ABLIM2: variants seen among roughly 807,000 people sequenced by gnomAD.
ABLIM2 encodes the protein actin binding LIM protein family member 2.
ABLIM2 carries 53 observed loss-of-function variants against 97.7 expected under a neutral mutation model. The observed-to-expected ratio is 0.54, with a 90% CI of 0.44 to 0.68. The LOEUF is 0.68. Ranked by LOEUF, ABLIM2 falls within the 30% of genes least tolerant of loss-of-function variation. ABLIM2 has a pLI of 0.00. For synonymous variants in ABLIM2, 361 were observed against 345.8 expected (o/e 1.04, Z -0.49); for missense variants, 835 against 867.2 (o/e 0.96, Z 0.47).
At chr4:8,011,927 C>G (rs963609642) in intron 14 of ABLIM2, among the ~76,000 whole-genome samples, 1 of 152,182 alleles carries the variant, frequency 6.6e-6, no homozygotes, top group African/African-American at 2.4e-5. Flanking sequence ...TCATTCATAT[C>G]TGAACATCCA....
chr4:8,096,014 C>T (rs529589245), intron 3 of ABLIM2, among the ~76,000 whole-genome samples: 4 of 152,272 alleles, frequency 2.6e-5, no homozygotes, highest in East Asian at 1.9e-4. Flanking sequence ...TGGTATTCTG[C>T]CCAACATGTT....
intron 7 of ABLIM2, among the ~76,000 whole-genome samples, chr4:8,059,389 G>T (rs1338449378): frequency 6.6e-6 from 1 of 151,984 alleles, no homozygotes; most frequent in Non-Finnish European, 1.5e-5. Context: ...ATCTCCAAAG[G>T]AAACCTCCAA....
intron 1 of ABLIM2, among the ~76,000 whole-genome samples, chr4:8,143,926 TCTC>T (rs1374794599): frequency 6.6e-6 from 1 of 152,018 alleles, no homozygotes; most frequent in Non-Finnish European, 1.5e-5. Flanking sequence ...CTGGTGTTGG[TCTC>T]CTCGGGGAGC....
rs1488197382 is a variant in ABLIM2 at position 8,153,471 on chromosome 4, C to A, written c.10+5209G>T. Among the ~76,000 whole-genome samples the A allele has an allele frequency of 2.0e-5, 3 of 152,206 alleles. No individual in the cohort carries two copies. In the East Asian group the frequency reaches 5.8e-4, roughly 29 times the overall value. ...CAGGTTAAGCGGAGACTGCCAATGCCTGGGCAACGGCAGTCCTCTCCAGAT... is the reference window on the plus strand; with the variant it reads ...CAGGTTAAGCGGAGACTGCCAATGCATGGGCAACGGCAGTCCTCTCCAGAT... On this transcript the variant is annotated intron_variant, in intron 1 of 20. Coordinates refer to ENST00000447017, the MANE Select transcript of ABLIM2 (RefSeq NM_001130083.2).
intron 1 of ABLIM2, among the ~76,000 whole-genome samples, chr4:8,138,938 T>G (rs1217145894): frequency 6.6e-6 from 1 of 152,240 alleles, no homozygotes; most frequent in Admixed American, 6.5e-5. Context: ...GGCTCACGCC[T>G]GTAATCCCAG....
rs943576330 is a variant in ABLIM2, at chr4:8,147,506, C to T, written c.10+11174G>A. Among the ~76,000 whole-genome samples, 11 of 152,126 alleles carry T rather than the reference C, an allele frequency of 7.2e-5. No homozygotes were observed. The highest frequency in any genetic ancestry group is 2.7e-4 in the African/African-American group (11 of 41,416). ...AGAGACTGGGAGATGATTCTGGATG[C>T]TATGGGCGGGCTCTGAGTGCAATCT... is the stretch of plus-strand genomic sequence containing the variant. On this transcript the variant is annotated intron_variant, in intron 1 of 20. Coordinates refer to ENST00000447017, the MANE Select transcript of ABLIM2 (RefSeq NM_001130083.2). This position sits in a 1 kb window ranked among gnomAD's most constrained non-coding sequence, Gnocchi z 5.3.
intron 7 of ABLIM2, among the ~76,000 whole-genome samples, chr4:8,059,713 C>T (rs1014470891): frequency 6.6e-6 from 1 of 151,896 alleles, no homozygotes; most frequent in African/African-American, 2.4e-5. Context: ...ACTAGCCCGA[C>T]CAACATGATG....
At position 8,148,417 on chromosome 4, in the gene ABLIM2, CG is replaced by C. The variant is rs1290070708; in HGVS notation, c.10+10262del. Among the ~76,000 whole-genome samples, 1 of 152,170 alleles carries C rather than the reference CG, an allele frequency of 6.6e-6. No individual in the cohort carries two copies. The highest frequency in any genetic ancestry group is 1.9e-4 in the East Asian group (1 of 5,158). ...GGAGGTGAGGGAGCCGCTCAGGACG[CG>C]GGGGGGCCATGGCGCACCACAGTTA... On this transcript the variant is annotated intron_variant, in intron 1 of 20. Transcript: ENST00000447017. The surrounding 1 kb of genome is among the most constrained non-coding windows in gnomAD (Gnocchi z 6.7).
chr4:8,013,111 G>A (rs957768552), intron 14 of ABLIM2, among the ~76,000 whole-genome samples: 1 of 151,948 alleles, frequency 6.6e-6, no homozygotes, highest in African/African-American at 2.4e-5. Flanking sequence ...GATGGGAGGA[G>A]CAAAGTCAAC....
intron 1 of ABLIM2, among the ~76,000 whole-genome samples, chr4:8,151,665 T>G (rs565722494): frequency 2.4e-4 from 37 of 152,228 alleles, no homozygotes; most frequent in African/African-American, 8.9e-4. Context: ...AGCAGGGTTG[T>G]ACCCCGAGGA....
intron 17 of ABLIM2, among the ~76,000 whole-genome samples, chr4:7,985,649 C>T (rs1461616920): frequency 6.6e-6 from 1 of 152,112 alleles, no homozygotes; most frequent in Non-Finnish European, 1.5e-5. Flanking sequence ...CTGTAAGGCC[C>T]CTGGCATGTC....
At chr4:8,009,767 C>T (rs1050527671) in intron 14 of ABLIM2, among the ~76,000 whole-genome samples, 1 of 152,198 alleles carries the variant, frequency 6.6e-6, no homozygotes, top group Admixed American at 6.5e-5. Context: ...TGGAGGCCTA[C>T]GTGTCTGACT....
In ABLIM2 at chr4:8,123,596, G is replaced by A. The variant is rs1846462050; in HGVS notation, c.11-16959C>T. On this transcript the variant is annotated intron_variant, in intron 1 of 20. Transcript: ENST00000447017. The surrounding 1 kb of genome is among the most constrained non-coding windows in gnomAD (Gnocchi z 6.2). ...CCAGGGAAAGCCAGGCCAGGCAGGG[G>A]AAACTGGCTGCAGAGGCTCTGTGAC... 6.6e-6 allele frequency among the ~76,000 whole-genome samples: 1 copy of A among 152,244 alleles called. No individual in the cohort carries two copies. The highest frequency in any genetic ancestry group is 2.4e-5 in the African/African-American group (1 of 41,460).
chr4:7,976,734 T>C (rs113005457), intron 20 of ABLIM2, among the ~76,000 whole-genome samples: 1,840 of 151,238 alleles, frequency 0.012, 32 homozygotes, highest in African/African-American at 0.043. Flanking sequence ...TACACACACA[T>C]ACACATATGC....
chr4:8,007,356 C>T, intron 16 of ABLIM2: 6 of 985,476 alleles, frequency 6.1e-6, no homozygotes, highest in Non-Finnish European at 7.2e-6. Context: ...CCCATCCATC[C>T]TCTCCCAGCC....
At chr4:8,057,621 T>C (rs749305464) in intron 7 of ABLIM2, among the ~76,000 whole-genome samples, 7 of 152,164 alleles carry the variant, frequency 4.6e-5, no homozygotes, top group Non-Finnish European at 8.8e-5. Flanking sequence ...TTTTTATCTT[T>C]TCACCCCAGT....
chr4:8,094,827 T>C (rs1482747681), intron 3 of ABLIM2, among the ~76,000 whole-genome samples: 1 of 152,198 alleles, frequency 6.6e-6, no homozygotes. Flanking sequence ...ATTAGGTTGC[T>C]GATTTTTACT....
intron 3 of ABLIM2, among the ~76,000 whole-genome samples, chr4:8,096,778 A>G (rs1229974015): frequency 6.6e-6 from 1 of 152,186 alleles, no homozygotes; most frequent in East Asian, 1.9e-4. Flanking sequence ...CAGGAGGTGC[A>G]GGCGGAGCGG....
At chr4:8,107,881 G>A (rs1838260522) in intron 1 of ABLIM2, among the ~76,000 whole-genome samples, 1 of 152,202 alleles carries the variant, frequency 6.6e-6, no homozygotes, top group African/African-American at 2.4e-5. Context: ...CCAGAGGGAG[G>A]CGTGACTGTG....
Sources: gnomAD v4.1 joint callset for allele counts (sites outside exome capture counted in the v4.1 genomes callset) on GRCh38, gnomAD v4.1.1 for gene constraint, Gnocchi (gnomAD v3.1) non-coding constraint, MANE v1.5 for transcripts, NCBI Gene and HGNC (gene_info 2026-07-23, HGNC 2026-07-21) for gene names.